KCNIP4: variants seen among roughly 807,000 people sequenced by gnomAD.
The protein encoded by KCNIP4 is Kv channel-interacting protein 4.
Under a neutral mutation model 34.0 loss-of-function variants are expected in KCNIP4, and 12 were observed. That is an observed-to-expected ratio of 0.35 (90% CI 0.23 to 0.57). KCNIP4 has a LOEUF of 0.57. KCNIP4 is among the 20% of genes least tolerant of loss of function. KCNIP4 has a pLI of 0.83. For missense variants in KCNIP4, 238 were observed against 311.7 expected, an observed-to-expected ratio of 0.76 and a Z score of 1.78; for synonymous variants, 124 against 102.2, an observed-to-expected ratio of 1.21 and a Z score of -1.29.
intron 1 of KCNIP4, among the ~76,000 whole-genome samples, chr4:21,119,026 A>C (rs541909910): frequency 6.6e-6 from 1 of 152,318 alleles, no homozygotes; most frequent in South Asian, 2.1e-4. Context: ...TTTTTGAAAC[A>C]TCATATGCAA....
intron 3 of KCNIP4, among the ~76,000 whole-genome samples, chr4:20,802,231 C>T (rs112849818): frequency 1.4e-5 from 2 of 140,552 alleles, no homozygotes; most frequent in African/African-American, 5.3e-5. Flanking sequence ...TATACATATG[C>T]TACATATATG....
At chr4:20,904,747 A>G (rs1371398162) in intron 1 of KCNIP4, among the ~76,000 whole-genome samples, 1 of 152,144 alleles carries the variant, frequency 6.6e-6, no homozygotes, top group African/African-American at 2.4e-5. Flanking sequence ...AATGTTTTAA[A>G]TTTTTACAAA....
chr4:20,748,595 T>C (rs1278157610), intron 5 of KCNIP4, among the ~76,000 whole-genome samples: 1 of 108,306 alleles, frequency 9.2e-6, no homozygotes, highest in Non-Finnish European at 2.0e-5. Context: ...TATATATATA[T>C]ATATATATAT....
intron 1 of KCNIP4, among the ~76,000 whole-genome samples, chr4:21,112,027 A>ATCCATCTG (rs1169260288): frequency 1.2e-5 from 1 of 80,078 alleles, no homozygotes; most frequent in Middle Eastern, 5.5e-3. Flanking sequence ...CTTTCTCTGT[A>ATCCATCTG]TCTATCTATC....
At position 21,606,245 on chromosome 4, in the gene KCNIP4, G is replaced by A. The variant is rs995615653; in HGVS notation, c.61+342326C>T. 7.2e-5 allele frequency among the ~76,000 whole-genome samples: 11 copies of A among 152,232 alleles called. No individual in the cohort carries two copies. The East Asian group carries it at 1.5e-3, about 21-fold the overall frequency. ...TTGATCAGAGAGTGAAGGTGGTGGT[G>A]GCTGGTAGGATAATAACATTGAGAC... On this transcript the variant is annotated intron_variant, in intron 1 of 8. Transcript: ENST00000382152.
At chr4:20,881,695 C>T (rs1724703604) in intron 2 of KCNIP4, among the ~76,000 whole-genome samples, 1 of 152,212 alleles carries the variant, frequency 6.6e-6, no homozygotes, top group Non-Finnish European at 1.5e-5. Context: ...TGGTTAACCT[C>T]ACTTGTCAAG....
At chr4:20,934,533 CA>C (rs1730839620) in intron 1 of KCNIP4, among the ~76,000 whole-genome samples, 1 of 152,162 alleles carries the variant, frequency 6.6e-6, no homozygotes, top group Non-Finnish European at 1.5e-5. Context: ...TTATTTCACT[CA>C]CCCTTAAATT....
chr4:21,583,179 T>G (rs996889902), intron 1 of KCNIP4, among the ~76,000 whole-genome samples: 5 of 151,958 alleles, frequency 3.3e-5, no homozygotes, highest in East Asian at 1.9e-4. Context: ...TTTTACAAAT[T>G]AAGCATTATG....
At chr4:21,481,394 CTGGAGAAGA>C (rs1731414094) in intron 1 of KCNIP4, among the ~76,000 whole-genome samples, 1 of 152,048 alleles carries the variant, frequency 6.6e-6, no homozygotes, top group South Asian at 2.1e-4. Flanking sequence ...AAGGGGACGC[CTGGAGAAGA>C]CCCTTCCAGG....
chr4:21,125,599 C>T (rs1443836713), intron 1 of KCNIP4, among the ~76,000 whole-genome samples: 1 of 152,138 alleles, frequency 6.6e-6, no homozygotes, highest in Non-Finnish European at 1.5e-5. Flanking sequence ...AGAGCAATTG[C>T]ATTTCCAACA....
intron 1 of KCNIP4, among the ~76,000 whole-genome samples, chr4:21,698,238 C>T (rs1035790236): frequency 6.6e-5 from 10 of 152,076 alleles, no homozygotes; most frequent in South Asian, 2.1e-4. Context: ...TTCTGCACAG[C>T]GCGGGCTCAG....
chr4:21,714,596 A>G (rs1714003988), intron 1 of KCNIP4, among the ~76,000 whole-genome samples: 1 of 151,544 alleles, frequency 6.6e-6, no homozygotes, highest in African/African-American at 2.4e-5. Flanking sequence ...AGAGAATATG[A>G]CTTGGTAGCT....
At chr4:21,890,309 T>G (rs1347380694) in intron 1 of KCNIP4, among the ~76,000 whole-genome samples, 1 of 152,142 alleles carries the variant, frequency 6.6e-6, no homozygotes, top group East Asian at 1.9e-4. Flanking sequence ...TATACCTTAA[T>G]GACCACATCC....
chr4:21,799,009 T>G (rs1246935819), intron 1 of KCNIP4, among the ~76,000 whole-genome samples: 1 of 152,060 alleles, frequency 6.6e-6, no homozygotes, highest in African/African-American at 2.4e-5. Flanking sequence ...AAATATCAAT[T>G]TTTACATAAC....
At chr4:21,623,946 T>C (rs1181791558) in intron 1 of KCNIP4, among the ~76,000 whole-genome samples, 1 of 152,232 alleles carries the variant, frequency 6.6e-6, no homozygotes, top group East Asian at 1.9e-4. Flanking sequence ...TCCTTTCTGC[T>C]CCATCCCAGT....
chr4:21,873,869 C>T (rs1725947945), intron 1 of KCNIP4, among the ~76,000 whole-genome samples: 1 of 152,202 alleles, frequency 6.6e-6, no homozygotes, highest in African/African-American at 2.4e-5. Context: ...TATCTTTGAA[C>T]AGATTCCTTG....
In KCNIP4 at chr4:21,528,807, G is replaced by T. The variant is rs1162775200; in HGVS notation, c.61+419764C>A. ...AGAAAGGAAGAAAGGAAGAAAGGAA[G>T]GAAGGAAGGAAGGAAGGAAGGAAGG... On this transcript the variant is annotated intron_variant, in intron 1 of 8. Coordinates refer to ENST00000382152, the MANE Select transcript of KCNIP4 (RefSeq NM_025221.6). Among the ~76,000 whole-genome samples the T allele has an allele frequency of 3.2e-5, 2 of 63,144 alleles. 1 individual carries two copies. The highest frequency in any genetic ancestry group is 1.3e-3 in the South Asian group (2 of 1,548). The allele number at this position is 63,144 out of a possible 152,430, so 41.4% of individuals were successfully genotyped here. A position where few individuals can be genotyped will look rare whatever the true frequency, so the allele number is the denominator to read the frequency against.
intron 1 of KCNIP4, among the ~76,000 whole-genome samples, chr4:21,252,221 G>A (rs1429609847): frequency 2.0e-5 from 3 of 148,516 alleles, no homozygotes. Context: ...TCCGCCTCCC[G>A]AGTTCAAGCG....
chr4:21,880,480 A>G (rs1018351779), intron 1 of KCNIP4, among the ~76,000 whole-genome samples: 18 of 152,200 alleles, frequency 1.2e-4, no homozygotes, highest in Non-Finnish European at 2.4e-4. Context: ...TTGAAAAGCC[A>G]GCAGCTAGTT....
Sources: gnomAD v4.1 joint callset for allele counts (sites outside exome capture counted in the v4.1 genomes callset) on GRCh38, gnomAD v4.1.1 for gene constraint, MANE v1.5 for transcripts, NCBI Gene and HGNC (gene_info 2026-07-23, HGNC 2026-07-21) for gene names.